PPP2R5D: variants seen among roughly 807,000 people sequenced by gnomAD.
PPP2R5D encodes protein phosphatase 2 regulatory subunit B'delta.
PPP2R5D carries 12 observed loss-of-function variants against 79.1 expected under a neutral mutation model. The observed-to-expected ratio is 0.15, with a 90% CI of 0.10 to 0.25. PPP2R5D has a LOEUF of 0.25. PPP2R5D is among the 10% of genes least tolerant of loss of function. The probability of loss-of-function intolerance (pLI) is 1.00; values close to 1 mark genes in which losing one functional copy is unlikely to be tolerated. For synonymous variants in PPP2R5D, 277 were observed against 286.6 expected, an observed-to-expected ratio of 0.97 and a Z score of 0.34; for missense variants, 419 against 760.2, an observed-to-expected ratio of 0.55 and a Z score of 5.28.
chr6:43,008,844 G>T lies in PPP2R5D; in HGVS notation c.1080+98G>T. ...GTGCCATAAGGGGGAACTCAGGAGG[G>T]CTGTGACCTGACCGGTAACATGGTT... On this transcript the variant is annotated intron_variant, in intron 10 of 15. Coordinates refer to ENST00000485511, the MANE Select transcript of PPP2R5D (RefSeq NM_006245.4). The surrounding 1 kb of genome is among the most constrained non-coding windows in gnomAD (Gnocchi z 4.2). 2 of 1,387,250 alleles carry T rather than the reference G, an allele frequency of 1.4e-6. No individual in the cohort carries two copies. The allele number at this position is 1,387,250 out of a possible 1,614,324, so 85.9% of individuals were successfully genotyped here. A position where few individuals can be genotyped will look rare whatever the true frequency, so the allele number is the denominator to read the frequency against.
At chr6:43,000,745 A>G (rs1772124233) in intron 2 of PPP2R5D, among the ~76,000 whole-genome samples, 1 of 152,092 alleles carries the variant, frequency 6.6e-6, no homozygotes, top group Non-Finnish European at 1.5e-5. Context: ...CTCTGCTCCT[A>G]ATGCTGTATA....
chr6:42,992,634 A>G (rs1339960854), intron 2 of PPP2R5D, among the ~76,000 whole-genome samples: 1 of 151,966 alleles, frequency 6.6e-6, no homozygotes. Context: ...GGCAACATAC[A>G]GAGACCCTGT....
intron 2 of PPP2R5D, among the ~76,000 whole-genome samples, chr6:43,002,508 G>A (rs1761800816): frequency 6.6e-6 from 1 of 152,210 alleles, no homozygotes; most frequent in East Asian, 1.9e-4. Flanking sequence ...GCAGAGGAGT[G>A]TCTGGATACA....
rs758789410 is a variant in PPP2R5D at position 43,008,635 on chromosome 6, T to C, written c.1027-58T>C. ...CTGGGATCTTGTTTCTATCACTGAC[T>C]TCTCTGAGAGCTTCTAGGACCTACA... On this transcript the variant is annotated intron_variant, in intron 9 of 15. Transcript: ENST00000485511. This position sits in a 1 kb window ranked among gnomAD's most constrained non-coding sequence, Gnocchi z 4.2. The C allele has an allele frequency of 5.1e-6, 8 of 1,572,570 alleles. No homozygotes were observed. The highest frequency in any genetic ancestry group is 2.7e-5 in the African/African-American group (2 of 73,908).
chr6:42,994,854 C>G (rs1018704297), intron 2 of PPP2R5D, among the ~76,000 whole-genome samples: 1 of 151,810 alleles, frequency 6.6e-6, no homozygotes, highest in African/African-American at 2.4e-5. Context: ...ATAGACTCCT[C>G]TACGTGCTGA....
Position 43,009,497 on chromosome 6 carries a change from CT to C in PPP2R5D, c.1379+51del, listed in dbSNP as rs766811454. The C allele has an allele frequency of 3.1e-6, 5 of 1,612,052 alleles. No homozygotes were observed. The African/African-American group carries it at 6.7e-5, about 22-fold the overall frequency. ...GGTGGTGGGGATCCAGTTTGGGAAA[CT>C]TTGAGGGTATGGAAGAACTAAAGAG... is the stretch of plus-strand genomic sequence containing the variant. On this transcript the variant is annotated intron_variant, in intron 12 of 15. Transcript: ENST00000485511. This position sits in a 1 kb window ranked among gnomAD's most constrained non-coding sequence, Gnocchi z 5.6.
rs774297861 is a variant in PPP2R5D at position 42,984,649 on chromosome 6, G to GGA, written c.-26_-25dup. ...AAGCCGGAGCCGGAGCGGGGCCGCA[G>GGA]GAGACGGGCCGGGTCCGGACGGGCC... is the stretch of plus-strand genomic sequence containing the variant. On this transcript the variant is annotated 5_prime_UTR_variant, in exon 1 of 16. Transcript: ENST00000485511. 6.3e-7 allele frequency: 1 copy of GGA among 1,591,988 alleles called. No individual in the cohort carries two copies. The highest frequency in any genetic ancestry group is 1.1e-5 in the South Asian group (1 of 88,016).
In PPP2R5D at chr6:43,009,315, C is replaced by A. The variant is rs777548805; in HGVS notation, c.1252-7C>A. 1 of 1,614,012 alleles carries A rather than the reference C, an allele frequency of 6.2e-7. No homozygotes were observed. Among genetic ancestry groups the A allele is most frequent in the East Asian group, 2.2e-5 (1 of 44,890 alleles). ...CAGCACCCACCGAGTCTGCCTCTCCCCACCAGGTGGCAGAGCGTGCTCTCT... is the reference window on the plus strand; with the variant it reads ...CAGCACCCACCGAGTCTGCCTCTCCACACCAGGTGGCAGAGCGTGCTCTCT... On this transcript the variant is annotated splice_region_variant and splice_polypyrimidine_tract_variant and intron_variant, in intron 11 of 15. Coordinates refer to ENST00000485511, the MANE Select transcript of PPP2R5D (RefSeq NM_006245.4). The surrounding 1 kb of genome is among the most constrained non-coding windows in gnomAD (Gnocchi z 5.6).
chr6:43,007,930 C>T lies in PPP2R5D; in HGVS notation c.727-5C>T, dbSNP rs748119144. ...CTGGCTGCTTTCCCTCCCTTGTACC[C>T]CCAGCTCCTAGACCTATTTGACAGT... On this transcript the variant is annotated splice_region_variant and splice_polypyrimidine_tract_variant and intron_variant, in intron 6 of 15. Transcript: ENST00000485511. The surrounding 1 kb of genome is among the most constrained non-coding windows in gnomAD (Gnocchi z 4.5). 19 of 1,613,946 alleles carry T rather than the reference C, an allele frequency of 1.2e-5. No individual in the cohort carries two copies. The African/African-American group carries it at 2.4e-4, about 20-fold the overall frequency.
Position 43,010,690 on chromosome 6 carries a change from A to T in PPP2R5D, c.1508A>T (p.Glu503Val), listed in dbSNP as rs763531072. Residue 503 changes from glutamate to valine, a missense_variant, in exon 14 of 16, where the codon GAA becomes GTA. Around this residue, in one of 5 missense-constraint regions of PPP2R5D, gnomAD observed 196 missense variants for 424.5 expected, o/e 0.46. Transcript: ENST00000485511. The surrounding 1 kb of genome is among the most constrained non-coding windows in gnomAD (Gnocchi z 4.7). The stretch of plus-strand genomic sequence containing the variant: ...GGCCGGTTCCGAATGAAGGAAAGGG[A>T]AGAGATGTGGCAAAAAATCGAGGAG... ...QKGRFRMKER[E>V]EMWQKIEELA... 4 of 1,614,000 alleles carry T rather than the reference A, an allele frequency of 2.5e-6. No individual in the cohort carries two copies. Among genetic ancestry groups the T allele is most frequent in the Non-Finnish European group, 2.5e-6 (3 of 1,179,904 alleles).
rs748782415 is a variant in PPP2R5D at position 43,008,324 on chromosome 6, G to C, written c.918-43G>C. ...TTGGCAGGATTGGTGTACTGAACTT[G>C]GATCTGACCCTCTGGTCCTAACAAA... On this transcript the variant is annotated intron_variant, in intron 8 of 15. Transcript: ENST00000485511. The surrounding 1 kb of genome is among the most constrained non-coding windows in gnomAD (Gnocchi z 4.2). 22 of 1,613,274 alleles carry C rather than the reference G, an allele frequency of 1.4e-5. No individual in the cohort carries two copies. Among genetic ancestry groups the C allele is most frequent in the Non-Finnish European group, 1.3e-5 (15 of 1,179,356 alleles).
rs1762372127 is a variant in PPP2R5D, at chr6:43,011,971, T to G, written c.*685T>G. ...AACACCCTACCCCGTGCCCTGTCTT[T>G]GGTGAGCAGCAGCCCTGGGGTCACA... On this transcript the variant is annotated 3_prime_UTR_variant, in exon 16 of 16. Coordinates refer to ENST00000485511, the MANE Select transcript of PPP2R5D (RefSeq NM_006245.4). 6.3e-6 allele frequency: 1 copy of G among 157,542 alleles called. No homozygotes were observed. The highest frequency in any genetic ancestry group is 1.4e-5 in the Non-Finnish European group (1 of 72,242). The allele number at this position is 157,542 out of a possible 1,614,324, so 9.8% of individuals were successfully genotyped here. A position where few individuals can be genotyped will look rare whatever the true frequency, so the allele number is the denominator to read the frequency against.
At chr6:42,996,499 A>C (rs921982430) in intron 2 of PPP2R5D, among the ~76,000 whole-genome samples, 2 of 152,014 alleles carry the variant, frequency 1.3e-5, no homozygotes, top group African/African-American at 4.8e-5. Flanking sequence ...ATAAGGGCCA[A>C]AAAAGAAAAA....
rs1030341016 is a variant in PPP2R5D, at chr6:43,011,621, ATTC to A, written c.*339_*341del. 1 of 321,776 alleles carries A rather than the reference ATTC, an allele frequency of 3.1e-6. No individual in the cohort carries two copies. The highest frequency in any genetic ancestry group is 5.8e-6 in the Non-Finnish European group (1 of 171,676). The allele number at this position is 321,776 out of a possible 1,614,324, so 19.9% of individuals were successfully genotyped here. Reference sequence around the variant, plus strand: ...CACACAGGAATACATACGCTCCTCTATTCTTCCCTTCATCCTCATTTGAACGCC... The same window carrying A: ...CACACAGGAATACATACGCTCCTCTATTCCCTTCATCCTCATTTGAACGCC... On this transcript the variant is annotated 3_prime_UTR_variant, in exon 16 of 16. Transcript: ENST00000485511.
At chr6:43,000,258 G>A (rs1389732136) in intron 2 of PPP2R5D, among the ~76,000 whole-genome samples, 1 of 80,770 alleles carries the variant, frequency 1.2e-5, no homozygotes, top group Admixed American at 1.3e-4. Flanking sequence ...TTTTTTTTGA[G>A]ATAGAGTCTT....
In PPP2R5D at chr6:43,007,498, G is replaced by C. The variant is rs768469399; in HGVS notation, c.718G>C (p.Val240Leu). The change falls in exon 6 of 16, where the codon GTA becomes CTA. Residue 240 changes from valine (V) to leucine (L), a missense_variant. By Grantham distance (32) the Val-to-Leu change is conservative. Coordinates refer to ENST00000485511, the MANE Select transcript of PPP2R5D (RefSeq NM_006245.4). This position sits in a 1 kb window ranked among gnomAD's most constrained non-coding sequence, Gnocchi z 4.5. ...CAAGAAGTACATCGACCAGAAGTTT[G>C]TACTTGCTGTGAGTCCCCGAGTTCC... ...IAKKYIDQKF[V>L]LALLDLFDSE... The C allele has an allele frequency of 1.2e-6, 2 of 1,609,860 alleles. No homozygotes were observed. Among genetic ancestry groups the C allele is most frequent in the Non-Finnish European group, 1.7e-6 (2 of 1,176,266 alleles).
rs1466801642 is a variant in PPP2R5D at position 43,006,085 on chromosome 6, CTCATGTGTCTTCTTATTCA to C, written c.106-362_106-344del. Among the ~76,000 whole-genome samples the C allele has an allele frequency of 3.9e-5, 6 of 152,280 alleles. No homozygotes were observed. The highest frequency in any genetic ancestry group is 5.9e-5 in the Non-Finnish European group (4 of 68,028). ...AGGCTCCTCATGTCTCTTCTTATTCCTCATGTGTCTTCTTATTCATCATGTGTCTTCTTAGCAATACCCA... is the reference window on the plus strand; with the variant it reads ...AGGCTCCTCATGTCTCTTCTTATTCCTCATGTGTCTTCTTAGCAATACCCA... On this transcript the variant is annotated intron_variant, in intron 2 of 15. Transcript: ENST00000485511. This position sits in a 1 kb window ranked among gnomAD's most constrained non-coding sequence, Gnocchi z 4.7.
chr6:43,000,024 C>T (rs1456621253), intron 2 of PPP2R5D, among the ~76,000 whole-genome samples: 1 of 152,108 alleles, frequency 6.6e-6, no homozygotes, highest in Non-Finnish European at 1.5e-5. Flanking sequence ...CAACCTCCGC[C>T]TCCCAGGTTC....
At position 43,007,591 on chromosome 6, in the gene PPP2R5D, C is replaced by T; in HGVS notation, c.726+85C>T. 3.1e-6 allele frequency: 4 copies of T among 1,299,192 alleles called. No individual in the cohort carries two copies. The South Asian group carries it at 4.8e-5, about 15-fold the overall frequency. 80.5% of individuals were successfully genotyped at this position (1,299,192 alleles called of 1,614,324 possible). A position where few individuals can be genotyped will look rare whatever the true frequency, so the allele number is the denominator to read the frequency against. Reference sequence around the variant, plus strand: ...GTCCCAGTGGCTCTTTCCCCTTAAGCTGAATATATTGGGTTTCATCCATGT... The same window carrying T: ...GTCCCAGTGGCTCTTTCCCCTTAAGTTGAATATATTGGGTTTCATCCATGT... On this transcript the variant is annotated intron_variant, in intron 6 of 15. Coordinates refer to ENST00000485511, the MANE Select transcript of PPP2R5D (RefSeq NM_006245.4). The surrounding 1 kb of genome is among the most constrained non-coding windows in gnomAD (Gnocchi z 4.5).
Sources: allele counts gnomAD v4.1 joint callset (sites outside exome capture counted in the v4.1 genomes callset), GRCh38; gene constraint gnomAD v4.1.1; regional missense constraint gnomAD v4.1.1; non-coding constraint Gnocchi (gnomAD v3.1); transcripts MANE v1.5; gene names NCBI Gene and HGNC (gene_info 2026-07-23, HGNC 2026-07-21).